Variants in TEAD1 observed in about 807,000 individuals in gnomAD.
The protein encoded by TEAD1 is transcriptional enhancer factor TEF-1.
TEAD1 carries 9 observed loss-of-function variants against 54.9 expected under a neutral mutation model. That is an observed-to-expected ratio of 0.16 (90% confidence interval 0.10 to 0.29). The LOEUF is 0.29. TEAD1 is among the 10% of genes least tolerant of loss of function. The probability of loss-of-function intolerance (pLI) is 1.00; values close to 1 mark genes in which losing one functional copy is unlikely to be tolerated. For synonymous variants in TEAD1, 200 were observed against 187.8 expected, an observed-to-expected ratio of 1.07 and a Z score of -0.53; for missense variants, 387 against 535.9, an observed-to-expected ratio of 0.72 and a Z score of 2.74.
chr11:12,817,073 G>A (rs955616116), intron 3 of TEAD1, among the ~76,000 whole-genome samples: 1 of 152,166 alleles, frequency 6.6e-6, no homozygotes, highest in African/African-American at 2.4e-5. Context: ...AGAACCTCGC[G>A]CAGGGCACTC....
At chr11:12,827,875 T>C (rs1439310259) in intron 3 of TEAD1, among the ~76,000 whole-genome samples, 1 of 152,230 alleles carries the variant, frequency 6.6e-6, no homozygotes, top group East Asian at 1.9e-4. Flanking sequence ...GTGCCTGTTG[T>C]GCCAGGACAG....
chr11:12,810,755 T>C (rs1325559047), intron 3 of TEAD1, among the ~76,000 whole-genome samples: 1 of 152,170 alleles, frequency 6.6e-6, no homozygotes, highest in Non-Finnish European at 1.5e-5. Context: ...TCTGTGGCCA[T>C]AGAGGTCTTG....
intron 3 of TEAD1, among the ~76,000 whole-genome samples, chr11:12,862,003 TTTTA>T (rs1477601213): frequency 2.5e-3 from 355 of 143,076 alleles, no homozygotes; most frequent in East Asian, 4.8e-3. Flanking sequence ...TTTTTTTTTT[TTTTA>T]AAAAAAAGGA....
intron 2 of TEAD1, among the ~76,000 whole-genome samples, chr11:12,755,656 G>A (rs1481380642): frequency 6.6e-6 from 1 of 152,200 alleles, no homozygotes; most frequent in Non-Finnish European, 1.5e-5. Context: ...TGTTTCTGGG[G>A]TTGAAATGTG....
chr11:12,710,165 A>G (rs1765000267), intron 2 of TEAD1, among the ~76,000 whole-genome samples: 2 of 152,036 alleles, frequency 1.3e-5, no homozygotes, highest in Admixed American at 6.6e-5. Context: ...TGTCTCTACA[A>G]AAAATAAAAT....
intron 3 of TEAD1, among the ~76,000 whole-genome samples, chr11:12,816,564 C>T (rs182161038): frequency 2.9e-4 from 44 of 152,258 alleles, no homozygotes; most frequent in Admixed American, 7.2e-4. Context: ...AGCTGTAATC[C>T]GTGGAGATCA....
At chr11:12,793,900 C>T (rs991159616) in intron 3 of TEAD1, among the ~76,000 whole-genome samples, 1 of 152,216 alleles carries the variant, frequency 6.6e-6, no homozygotes, top group African/African-American at 2.4e-5. Context: ...GAAGTCAGAG[C>T]ATGGGATATC....
At position 12,940,122 on chromosome 11, in the gene TEAD1, C is replaced by G. The variant is rs915200356; in HGVS notation, c.*2900C>G. On this transcript the variant is annotated 3_prime_UTR_variant, in exon 13 of 13. Coordinates refer to ENST00000527636, the MANE Select transcript of TEAD1 (RefSeq NM_021961.6). ...CAGGGAGGAGCTGCAGAATGGGGCT[C>G]TGGTCTCTGGGCATTCATTTCCCTC... The G allele has an allele frequency of 6.6e-6, 1 of 152,206 alleles. No individual in the cohort carries two copies. Among genetic ancestry groups the G allele is most frequent in the African/African-American group, 2.4e-5 (1 of 41,454 alleles). 9.4% of individuals were successfully genotyped at this position (152,206 alleles called of 1,614,324 possible).
chr11:12,855,580 G>T (rs142363348), intron 3 of TEAD1, among the ~76,000 whole-genome samples: 11 of 152,022 alleles, frequency 7.2e-5, no homozygotes, highest in South Asian at 2.1e-4. Flanking sequence ...GAGCCATTGC[G>T]CCTGACCAGG....
At chr11:12,794,379 G>A (rs564842479) in intron 3 of TEAD1, among the ~76,000 whole-genome samples, 1 of 152,280 alleles carries the variant, frequency 6.6e-6, no homozygotes, top group Admixed American at 6.5e-5. Flanking sequence ...TTAAGAGCAG[G>A]TACATTCTGA....
At chr11:12,729,498 C>T (rs1469849050) in intron 2 of TEAD1, among the ~76,000 whole-genome samples, 1 of 152,214 alleles carries the variant, frequency 6.6e-6, no homozygotes. Context: ...AATAGGTGCT[C>T]AGCGTGCACT....
In TEAD1 at chr11:12,942,651, T is replaced by C. The variant is rs2134183156; in HGVS notation, c.*5429T>C. The C allele has an allele frequency of 6.6e-6, 1 of 152,306 alleles. No homozygotes were observed. The highest frequency in any genetic ancestry group is 6.5e-5 in the Admixed American group (1 of 15,298). The allele number at this position is 152,306 out of a possible 1,614,324, so 9.4% of individuals were successfully genotyped here. A position where few individuals can be genotyped will look rare whatever the true frequency, so the allele number is the denominator to read the frequency against. Reference sequence around the variant, plus strand: ...TTCCATTCAAATGACAGTGCGCACTTATCTGGTTTACACAATGATACCATT... The same window carrying C: ...TTCCATTCAAATGACAGTGCGCACTCATCTGGTTTACACAATGATACCATT... On this transcript the variant is annotated 3_prime_UTR_variant, in exon 13 of 13. Coordinates refer to ENST00000527636, the MANE Select transcript of TEAD1 (RefSeq NM_021961.6).
chr11:12,715,011 A>G, intron 2 of TEAD1, among the ~76,000 whole-genome samples: 1 of 152,152 alleles, frequency 6.6e-6, no homozygotes, highest in Non-Finnish European at 1.5e-5. Context: ...AGCCCATAAC[A>G]ATTCCGCAGT....
intron 2 of TEAD1, among the ~76,000 whole-genome samples, chr11:12,734,648 T>G (rs538808183): frequency 6.6e-6 from 1 of 152,354 alleles, no homozygotes; most frequent in African/African-American, 2.4e-5. Context: ...TAGCTATGTT[T>G]AGATACACAA....
At chr11:12,675,976 A>G (rs1307940156) in intron 2 of TEAD1, among the ~76,000 whole-genome samples, 1 of 152,220 alleles carries the variant, frequency 6.6e-6, no homozygotes, top group Non-Finnish European at 1.5e-5. Context: ...TCTTAGAAGC[A>G]AGTGGCTTCC....
chr11:12,883,989 G>A (rs7924932), intron 9 of TEAD1, among the ~76,000 whole-genome samples: 145,279 of 149,308 alleles, frequency 0.97, 70,820 homozygotes, highest in East Asian at 1. Flanking sequence ...GCGAGACTCC[G>A]TCTCAAAAAA....
intron 2 of TEAD1, among the ~76,000 whole-genome samples, chr11:12,677,124 TG>T (rs1334401609): frequency 1.3e-5 from 2 of 152,116 alleles, no homozygotes; most frequent in African/African-American, 4.8e-5. Context: ...GCGGGGAACA[TG>T]CCTGAGAGAG....
intron 3 of TEAD1, among the ~76,000 whole-genome samples, chr11:12,853,530 G>A (rs973165717): frequency 2.0e-5 from 3 of 152,164 alleles, no homozygotes; most frequent in African/African-American, 7.2e-5. Flanking sequence ...GATTAAGAAA[G>A]TGATTATGTG....
chr11:12,921,587 A>C lies in TEAD1; in HGVS notation c.874-3325A>C, dbSNP rs535951153. 3.3e-5 allele frequency among the ~76,000 whole-genome samples: 5 copies of C among 152,182 alleles called. No homozygotes were observed. The East Asian group carries it at 5.8e-4, about 18-fold the overall frequency. Reference sequence around the variant, plus strand: ...AACGTTTTGGCACAGGCTACATCATAATAATAACAGCATTAATCCTGCCAC... The same window carrying C: ...AACGTTTTGGCACAGGCTACATCATCATAATAACAGCATTAATCCTGCCAC... On this transcript the variant is annotated intron_variant, in intron 10 of 12. Transcript: ENST00000527636.
Sources: gnomAD v4.1 joint callset for allele counts (sites outside exome capture counted in the v4.1 genomes callset) on GRCh38, gnomAD v4.1.1 for gene constraint, MANE v1.5 for transcripts, NCBI Gene and HGNC (gene_info 2026-07-23, HGNC 2026-07-21) for gene names.